Variants in ITPR3 observed in about 807,000 individuals in gnomAD.
The protein encoded by ITPR3 is inositol 1,4,5-trisphosphate-gated calcium channel ITPR3.
ITPR3 carries 173 observed loss-of-function variants against 293.2 expected under a neutral mutation model. The observed-to-expected ratio is 0.59, with a 90% confidence interval of 0.52 to 0.67. The LOEUF (loss-of-function observed/expected upper bound fraction) is 0.67, where lower values mean the gene tolerates loss of function less well. Among genes scored for constraint, ITPR3 ranks in the 30% least tolerant of loss-of-function variants. The pLI is 0.00. For synonymous variants in ITPR3, 1,295 were observed against 1,444.4 expected (o/e 0.90, Z 2.35); for missense variants, 2,796 against 3,592.1 (o/e 0.78, Z 5.66).
In ITPR3 at chr6:33,663,513, A is replaced by T; in HGVS notation, c.968A>T (p.Tyr323Phe). 1 of 1,606,284 alleles carries T rather than the reference A, an allele frequency of 6.2e-7. No individual in the cohort carries two copies. The highest frequency in any genetic ancestry group is 8.5e-7 in the Non-Finnish European group (1 of 1,176,022). Residue 323 changes from tyrosine to phenylalanine, a missense_variant, in exon 10 of 58, where the codon TAC (tyrosine) becomes TTC (phenylalanine). Transcript: ENST00000605930. ...ATCTCTGTCCAGGAGAACCCCAGTT[A>T]CAAAGGTGATGCCTCAGATCCCAAG... ...NYLAAEENPS[Y>F]KGDASDPKAA...
rs1204813241 is a variant in ITPR3, at chr6:33,693,657, C to T, written c.7737C>T (p.Asn2579=). The change falls in exon 56 of 58, where the codon AAC becomes AAT. Residue 2579 remains asparagine (N), a synonymous_variant. Coordinates refer to ENST00000605930, the MANE Select transcript of ITPR3 (RefSeq NM_002224.4). The part of the protein sequence containing the change: ...LYFIVLVRVK[N]KTDYTGPESY... ...TCATTGTGCTGGTCCGCGTGAAGAA[C>T]AAGACCGACTACACGGGCCCTGAGA... 1 of 1,614,092 alleles carries T rather than the reference C, an allele frequency of 6.2e-7. No individual in the cohort carries two copies. Among genetic ancestry groups the T allele is most frequent in the Non-Finnish European group, 8.5e-7 (1 of 1,180,040 alleles).
At chr6:33,668,862 C>T (rs1264466764) in intron 17 of ITPR3, 112 bp from the exon 18 acceptor site, 2 of 1,243,484 alleles carry the variant, frequency 1.6e-6, no homozygotes, top group Non-Finnish European at 2.2e-6. Flanking sequence ...TGCATATGGT[C>T]TCTCTGGGTC....
chr6:33,678,523 C>T lies in ITPR3; in HGVS notation c.3751C>T (p.His1251Tyr). 1 of 1,612,860 alleles carries T rather than the reference C, an allele frequency of 6.2e-7. No homozygotes were observed. Among genetic ancestry groups the T allele is most frequent in the Non-Finnish European group, 8.5e-7 (1 of 1,179,840 alleles). ...CCAGGCCCTGCTGCACAAACACCTG[C>T]ACCTCTTCCTCACGCCAGGGGTGAG... ...GNQALLHKHL[H>Y]LFLTPGLLEA... The change falls in exon 29 of 58, where the codon CAC becomes TAC. Residue 1251 changes from histidine to tyrosine, a missense_variant. Physicochemically the swap from His to Tyr is moderately conservative, Grantham distance 83. Around this residue, in one of 8 missense-constraint regions of ITPR3, gnomAD observed 344 missense variants for 460.3 expected, o/e 0.75. Coordinates refer to ENST00000605930, the MANE Select transcript of ITPR3 (RefSeq NM_002224.4).
chr6:33,623,320 A>ATTT (rs1763480506), intron 1 of ITPR3, among the ~76,000 whole-genome samples: 2 of 45,848 alleles, frequency 4.4e-5, no homozygotes, highest in Non-Finnish European at 7.9e-5. Flanking sequence ...AGTGCCTGTG[A>ATTT]GTTTTGTTTT....
Position 33,680,004 on chromosome 6 carries a change from C to T in ITPR3, c.4095C>T (p.His1365=). The T allele has an allele frequency of 6.2e-7, 1 of 1,613,938 alleles. No individual in the cohort carries two copies. Among genetic ancestry groups the T allele is most frequent in the Non-Finnish European group, 8.5e-7 (1 of 1,180,038 alleles). ...GVEDHSPLMY[H]ISLVDLLAAC... ...AGGACCACAGCCCCCTCATGTACCA[C>T]ATTTCCCTGGTGGACCTGCTGGCCG... The change falls in exon 31 of 58, where the codon CAC becomes CAT. Residue 1365 remains histidine, a synonymous_variant. Coordinates refer to ENST00000605930, the MANE Select transcript of ITPR3 (RefSeq NM_002224.4).
chr6:33,660,276 A>G (rs1764428578), intron 7 of ITPR3, among the ~76,000 whole-genome samples: 3 of 152,042 alleles, frequency 2.0e-5, no homozygotes, highest in Admixed American at 2.0e-4. Flanking sequence ...AGGCAGGAAC[A>G]TCAGCTGTGA....
chr6:33,677,627 A>G lies in ITPR3; in HGVS notation c.3646A>G (p.Lys1216Glu). 6.2e-7 allele frequency: 1 copy of G among 1,613,354 alleles called. No homozygotes were observed. Among genetic ancestry groups the G allele is most frequent in the Non-Finnish European group, 8.5e-7 (1 of 1,179,528 alleles). ...GGACCTGCTGCAGATCCCCTATGAC[A>G]AGGTGGCTCTGACTTCTGACCTCTG... ...MLDLLQIPYD[K>E]GDAKMMEILR... The change falls in exon 28 of 58, where the codon AAG becomes GAG. Residue 1216 changes from lysine to glutamate, a missense_variant and splice_region_variant. Around this residue, in one of 8 missense-constraint regions of ITPR3, gnomAD observed 344 missense variants for 460.3 expected, o/e 0.75. Transcript: ENST00000605930.
Position 33,684,451 on chromosome 6 carries a change from A to G in ITPR3, c.5032A>G (p.Lys1678Glu). 6.2e-7 allele frequency: 1 copy of G among 1,614,044 alleles called. No homozygotes were observed. The highest frequency in any genetic ancestry group is 8.5e-7 in the Non-Finnish European group (1 of 1,179,940). The change falls in exon 37 of 58, where the codon AAG becomes GAG. Residue 1678 changes from lysine (K) to glutamate (E), a missense_variant. Lys to Glu is a moderately conservative substitution (Grantham distance 56). This residue lies in a region of ITPR3 where 704 missense variants were observed against 797.5 expected (regional missense o/e 0.88). Coordinates refer to ENST00000605930, the MANE Select transcript of ITPR3 (RefSeq NM_002224.4). The surrounding 1 kb of genome is among the most constrained non-coding windows in gnomAD (Gnocchi z 4.2). ...GCAGCAGATGCTGCTCAAGAAGACC[A>G]AGTACGGGGACCGGGTGAGTGCCCT... ...TLQQMLLKKT[K>E]YGDRGNQLRK...
Position 33,680,455 on chromosome 6 carries a change from G to C in ITPR3, c.4350+1G>C. 1 of 1,612,794 alleles carries C rather than the reference G, an allele frequency of 6.2e-7. No homozygotes were observed. Among genetic ancestry groups the C allele is most frequent in the Non-Finnish European group, 8.5e-7 (1 of 1,179,940 alleles). ...GAACTTCACCCTGGACATGGCCCGG[G>C]TCTGTCCCTGTGAGGGGTGTGGGTG... is the stretch of plus-strand genomic sequence containing the variant. On this transcript the variant is annotated splice_donor_variant, in intron 32 of 57. Coordinates refer to ENST00000605930, the MANE Select transcript of ITPR3 (RefSeq NM_002224.4). LOFTEE classifies it high-confidence loss of function.
In ITPR3 at chr6:33,658,067, G is replaced by C. The variant is rs373557507; in HGVS notation, c.369+49G>C. 1 of 1,539,050 alleles carries C rather than the reference G, an allele frequency of 6.5e-7. No individual in the cohort carries two copies. The highest frequency in any genetic ancestry group is 1.4e-5 in the African/African-American group (1 of 73,192). The stretch of plus-strand genomic sequence containing the variant: ...CGCCTGCCCCTCTCCCTGCCTAAGA[G>C]GCTGGGCTGGTGCTGGGTGAGGGCT... On this transcript the variant is annotated intron_variant, in intron 4 of 57. Coordinates refer to ENST00000605930, the MANE Select transcript of ITPR3 (RefSeq NM_002224.4). The surrounding 1 kb of genome is among the most constrained non-coding windows in gnomAD (Gnocchi z 6.1).
Position 33,667,769 on chromosome 6 carries a change from C to G in ITPR3, c.1714-23C>G, listed in dbSNP as rs747065016. 1 of 1,613,158 alleles carries G rather than the reference C, an allele frequency of 6.2e-7. No individual in the cohort carries two copies. On this transcript the variant is annotated intron_variant, in intron 15 of 57. Coordinates refer to ENST00000605930, the MANE Select transcript of ITPR3 (RefSeq NM_002224.4). The surrounding 1 kb of genome is among the most constrained non-coding windows in gnomAD (Gnocchi z 4.4). ...TGGCCCACCTGTGACTCTCTGTGAC[C>G]CCCAGCCTGTCTGCCCCCCCAGGAG... is the stretch of plus-strand genomic sequence containing the variant.
In ITPR3 at chr6:33,691,695, C is replaced by G. The variant is rs2229642; in HGVS notation, c.7306C>G (p.Leu2436Val). 798,203 of 1,613,126 alleles carry G rather than the reference C, an allele frequency of 0.49. 209,135 individuals are homozygous for G. Among genetic ancestry groups the G allele is most frequent in the East Asian group, 0.87 (38,983 of 44,840 alleles). The change falls in exon 53 of 58, where the codon CTC becomes GTC. Residue 2436 changes from leucine to valine, a missense_variant. By Grantham distance (32) the Leu-to-Val change is conservative. Transcript: ENST00000605930. This position sits in a 1 kb window ranked among gnomAD's most constrained non-coding sequence, Gnocchi z 4.9. ...SGDKMDCVSG[L>V]SVPEVLEEDR... ...GGACAAGATGGACTGTGTCTCAGGGCTCTCGGTGCCTGAGGTCCTGGAAGG... is the reference window on the plus strand; with the variant it reads ...GGACAAGATGGACTGTGTCTCAGGGGTCTCGGTGCCTGAGGTCCTGGAAGG...
intron 2 of ITPR3, among the ~76,000 whole-genome samples, chr6:33,651,364 G>A (rs1205260035): frequency 1.3e-5 from 2 of 151,840 alleles, no homozygotes; most frequent in Non-Finnish European, 2.9e-5. Context: ...CCTTCTGCCA[G>A]ACTCCTGAGG....
Position 33,621,441 on chromosome 6 carries a change from C to G in ITPR3, c.-162C>G. 2.0e-6 allele frequency: 1 copy of G among 488,298 alleles called. No homozygotes were observed. Among genetic ancestry groups the G allele is most frequent in the Non-Finnish European group, 3.6e-6 (1 of 279,738 alleles). 30.2% of individuals were successfully genotyped at this position (488,298 alleles called of 1,614,324 possible). ...ACCCCGGGCCCCGCCGAGCCGCCTC[C>G]TGGCTCCCGTGGCCGCCAGCCCGCC... On this transcript the variant is annotated 5_prime_UTR_variant, in exon 1 of 58. Coordinates refer to ENST00000605930, the MANE Select transcript of ITPR3 (RefSeq NM_002224.4). This position sits in a 1 kb window ranked among gnomAD's most constrained non-coding sequence, Gnocchi z 7.7.
At position 33,659,451 on chromosome 6, in the gene ITPR3, G is replaced by T; in HGVS notation, c.628-15G>T. On this transcript the variant is annotated splice_polypyrimidine_tract_variant and intron_variant, in intron 6 of 57. Transcript: ENST00000605930. ...GGGTCCACCTGGCGTCACGGGTCTT[G>T]TCACCCTTCCGCAGGTCAATTCTGT... 6.2e-7 allele frequency: 1 copy of T among 1,613,552 alleles called. No individual in the cohort carries two copies. The highest frequency in any genetic ancestry group is 8.5e-7 in the Non-Finnish European group (1 of 1,179,550).
chr6:33,687,526 C>T lies in ITPR3; in HGVS notation c.6226C>T (p.Arg2076Cys), dbSNP rs1465968390. ...GCAGCACCTGCTGAAGCCGGTGAAGCGCATTCAAGAGGAGGAGGCCGAGGG... is the reference window on the plus strand; with the variant it reads ...GCAGCACCTGCTGAAGCCGGTGAAGTGCATTCAAGAGGAGGAGGCCGAGGG... ...QLQHLLKPVK[R>C]IQEEEAEGIS... The change falls in exon 46 of 58, where the codon CGC (arginine) becomes TGC (cysteine). Residue 2076 changes from arginine to cysteine, a missense_variant. Physicochemically the swap from Arg to Cys is radical, Grantham distance 180. This residue lies in a region of ITPR3 where 704 missense variants were observed against 797.5 expected (regional missense o/e 0.88). Coordinates refer to ENST00000605930, the MANE Select transcript of ITPR3 (RefSeq NM_002224.4). This position sits in a 1 kb window ranked among gnomAD's most constrained non-coding sequence, Gnocchi z 5.3. 17 of 1,599,408 alleles carry T rather than the reference C, an allele frequency of 1.1e-5. No individual in the cohort carries two copies. Among genetic ancestry groups the T allele is most frequent in the East Asian group, 2.3e-5 (1 of 44,282 alleles).
In ITPR3 at chr6:33,695,040, G is replaced by C; in HGVS notation, c.7902G>C (p.Lys2634Asn). ...ILQDKLNSTMKLVSHLTAQLN... is the reference protein window; with the variant it reads ...ILQDKLNSTMNLVSHLTAQLN... ...AGGACAAGCTCAACTCCACCATGAAGCTGGTGTCCCACCTCACTGCCCAGC... is the reference window on the plus strand; with the variant it reads ...AGGACAAGCTCAACTCCACCATGAACCTGGTGTCCCACCTCACTGCCCAGC... The change falls in exon 57 of 58, where the codon AAG becomes AAC. Residue 2634 changes from lysine to asparagine, a missense_variant. Coordinates refer to ENST00000605930, the MANE Select transcript of ITPR3 (RefSeq NM_002224.4). 1.9e-6 allele frequency: 3 copies of C among 1,614,074 alleles called. No homozygotes were observed. The highest frequency in any genetic ancestry group is 1.7e-6 in the Non-Finnish European group (2 of 1,180,012).
chr6:33,632,287 C>G lies in ITPR3; in HGVS notation c.90-8197C>G, dbSNP rs1331525523. Among the ~76,000 whole-genome samples the G allele has an allele frequency of 6.6e-6, 1 of 152,102 alleles. No individual in the cohort carries two copies. The highest frequency in any genetic ancestry group is 1.5e-5 in the Non-Finnish European group (1 of 68,020). ...TCGGGGATTTCCCCAGTCTGTCATT[C>G]CCCCAGTCTGTCATTCCCCCTCCCA... On this transcript the variant is annotated intron_variant, in intron 1 of 57. Transcript: ENST00000605930. The surrounding 1 kb of genome is among the most constrained non-coding windows in gnomAD (Gnocchi z 4.1).
chr6:33,664,831 G>T lies in ITPR3; in HGVS notation c.1149-39G>T. 2.5e-6 allele frequency: 4 copies of T among 1,577,736 alleles called. No individual in the cohort carries two copies. The highest frequency in any genetic ancestry group is 3.5e-6 in the Non-Finnish European group (4 of 1,150,264). On this transcript the variant is annotated intron_variant, in intron 11 of 57. Coordinates refer to ENST00000605930, the MANE Select transcript of ITPR3 (RefSeq NM_002224.4). This position sits in a 1 kb window ranked among gnomAD's most constrained non-coding sequence, Gnocchi z 4.4. Reference sequence around the variant, plus strand: ...GGCAGGCAGCATGACGTGCTCTGTGGTGCACTCCCCGAGTCCTTTCCCTCC... The same window carrying T: ...GGCAGGCAGCATGACGTGCTCTGTGTTGCACTCCCCGAGTCCTTTCCCTCC...
Sources: gnomAD v4.1 joint callset for allele counts (sites outside exome capture counted in the v4.1 genomes callset) on GRCh38, gnomAD v4.1.1 for gene constraint, gnomAD v4.1.1 regional missense constraint, Gnocchi (gnomAD v3.1) non-coding constraint, MANE v1.5 for transcripts, NCBI Gene and HGNC (gene_info 2026-07-23, HGNC 2026-07-21) for gene names.